IGFL4: variants seen among roughly 807,000 people sequenced by gnomAD.
IGFL4 encodes insulin growth factor-like family member 4.
In IGFL4, 12 loss-of-function variants were observed where a neutral mutation model predicts 15.4. The ratio of observed to expected loss-of-function variants is 0.78; its 90% CI spans 0.50 to 1.26. The LOEUF (loss-of-function observed/expected upper bound fraction) is 1.26. IGFL4 is among the 50% of genes most tolerant of loss of function. IGFL4 has a pLI of 0.00. For synonymous variants in IGFL4, 54 were observed against 55.9 expected (o/e 0.97, Z 0.16); for missense variants, 126 against 147.8 (o/e 0.85, Z 0.76).
intron 2 of IGFL4, chr19:46,057,558 G>A (rs899476461): frequency 6.6e-6 from 1 of 152,212 alleles, no homozygotes; most frequent in Non-Finnish European, 1.5e-5. Flanking sequence ...TCCATAGGCA[G>A]AGCAGCCCTA....
At chr19:46,058,777 C>T (rs1393499145) in intron 2 of IGFL4, 1 of 152,242 alleles carries the variant, frequency 6.6e-6, no homozygotes, top group Non-Finnish European at 1.5e-5. Context: ...CAAGCCATGG[C>T]CCCAGCTGTA....
At chr19:46,074,997 G>T (rs952890885) in intron 1 of IGFL4, among the ~76,000 whole-genome samples, 7 of 152,060 alleles carry the variant, frequency 4.6e-5, no homozygotes, top group African/African-American at 1.7e-4. Context: ...GAAGAGGAAG[G>T]GATTCAATTC....
At chr19:46,045,435 C>T (rs1336638756), upstream of IGFL4, among the ~76,000 whole-genome samples, 2 of 138,920 alleles carry the variant, frequency 1.4e-5, no homozygotes, top group Admixed American at 1.4e-4. Context: ...AAGAGTGAAA[C>T]TCTGTCTCAA....
chr19:46,042,248 G>C (rs1457671970), upstream of IGFL4, among the ~76,000 whole-genome samples: 2 of 152,160 alleles, frequency 1.3e-5, no homozygotes, highest in Non-Finnish European at 2.9e-5. Flanking sequence ...AGATATGTCT[G>C]TTTGTCTGCT....
intron 2 of IGFL4, among the ~76,000 whole-genome samples, chr19:46,052,737 A>T (rs1391046692): frequency 1.3e-5 from 2 of 149,666 alleles, no homozygotes; most frequent in African/African-American, 2.4e-5. Flanking sequence ...AAAAAAAAGT[A>T]TATTAATCCC....
chr19:46,071,637 T>G (rs1969546990), intron 1 of IGFL4, among the ~76,000 whole-genome samples: 1 of 152,200 alleles, frequency 6.6e-6, no homozygotes, highest in African/African-American at 2.4e-5. Context: ...ACCAGCAGAA[T>G]GAATTCATAA....
chr19:46,045,299 TG>T (rs1463326344), upstream of IGFL4, among the ~76,000 whole-genome samples: 1 of 152,022 alleles, frequency 6.6e-6, no homozygotes, highest in African/African-American at 2.4e-5. Flanking sequence ...AAAAGTTAGC[TG>T]GGCATGGTGG....
At chr19:46,063,009 G>A (rs1001731757) in intron 1 of IGFL4, 8 of 152,152 alleles carry the variant, frequency 5.3e-5, no homozygotes, top group African/African-American at 1.9e-4. Flanking sequence ...CACATAGAGA[G>A]GGACTTTACT....
chr19:46,040,299 C>G lies in IGFL4; in HGVS notation c.188G>C (p.Gly63Ala). Residue 63 changes from glycine (G) to alanine (A), a missense_variant, in exon 3 of 4, where the codon GGC (glycine) becomes GCC (alanine). Gly to Ala is a moderately conservative substitution (Grantham distance 60). Transcript: ENST00000377697. This position sits in a 1 kb window ranked among gnomAD's most constrained non-coding sequence, Gnocchi z 4.1. ...ILDLNQTRLC[G>A]SSCTFWPCFQ... ...GCAGGGCCAGAAGGTGCAGCTGGAG[C>G]CGCAGAGCCGGGTCTGGTTCAAGTC... 2 of 1,614,118 alleles carry G rather than the reference C, an allele frequency of 1.2e-6. No individual in the cohort carries two copies. Among genetic ancestry groups the G allele is most frequent in the Non-Finnish European group, 1.7e-6 (2 of 1,180,004 alleles).
At chr19:46,063,135 T>C (rs1269975472) in intron 1 of IGFL4, among the ~76,000 whole-genome samples, 2 of 152,110 alleles carry the variant, frequency 1.3e-5, no homozygotes, top group East Asian at 1.9e-4. Flanking sequence ...CCTTTACTCA[T>C]GTATGATTAT....
chr19:46,044,040 G>A (rs1031992167), upstream of IGFL4, among the ~76,000 whole-genome samples: 1 of 152,150 alleles, frequency 6.6e-6, no homozygotes, highest in Non-Finnish European at 1.5e-5. Flanking sequence ...CATGGAGAAC[G>A]AAGAAATGCA....
chr19:46,049,011 T>C (rs1969322284), intron 2 of IGFL4, among the ~76,000 whole-genome samples: 1 of 152,238 alleles, frequency 6.6e-6, no homozygotes. Context: ...ATTACCTCAC[T>C]TCAAACTATC....
At chr19:46,070,811 G>A (rs6509253) in intron 1 of IGFL4, among the ~76,000 whole-genome samples, 151,946 of 152,334 alleles carry the variant, frequency 1, 75,787 homozygotes, top group Middle Eastern at 1. Flanking sequence ...TGGGCCTGAA[G>A]TACTCCTTAT....
At chr19:46,042,301 C>T (rs1020250162), upstream of IGFL4, among the ~76,000 whole-genome samples, 1 of 152,150 alleles carries the variant, frequency 6.6e-6, no homozygotes, top group Non-Finnish European at 1.5e-5. Context: ...AAACAGAAAT[C>T]CCACCTGTAA....
intron 2 of IGFL4, among the ~76,000 whole-genome samples, chr19:46,053,371 C>T (rs541907664): frequency 1.3e-5 from 2 of 152,120 alleles, no homozygotes; most frequent in African/African-American, 2.4e-5. Flanking sequence ...CCCACCACCA[C>T]GCCTGGCTAA....
chr19:46,068,942 GAC>G (rs1418201479), intron 1 of IGFL4, among the ~76,000 whole-genome samples: 7 of 152,204 alleles, frequency 4.6e-5, no homozygotes, highest in African/African-American at 1.7e-4. Flanking sequence ...TCATGCTAAA[GAC>G]AGTTTCATTT....
intron 2 of IGFL4, among the ~76,000 whole-genome samples, chr19:46,053,505 T>C (rs1969367241): frequency 1.3e-5 from 2 of 152,190 alleles, no homozygotes; most frequent in African/African-American, 4.8e-5. Context: ...CCATATTTTC[T>C]TTATTCATTC....
chr19:46,043,749 ATCT>A (rs577990683), upstream of IGFL4, among the ~76,000 whole-genome samples: 29 of 152,354 alleles, frequency 1.9e-4, no homozygotes, highest in South Asian at 5.2e-3. Flanking sequence ...GAAAAAAAAA[ATCT>A]TCTACCAAAG....
intron 1 of IGFL4, among the ~76,000 whole-genome samples, chr19:46,073,062 G>C (rs1969561933): frequency 6.6e-6 from 1 of 151,948 alleles, no homozygotes; most frequent in Non-Finnish European, 1.5e-5. Context: ...GGACAGGAGG[G>C]GACTACCAAC....
Sources: allele counts gnomAD v4.1 joint callset (sites outside exome capture counted in the v4.1 genomes callset), GRCh38; gene constraint gnomAD v4.1.1; non-coding constraint Gnocchi (gnomAD v3.1); transcripts MANE v1.5; gene names NCBI Gene and HGNC (gene_info 2026-07-23, HGNC 2026-07-21).